The following PTPRD variants were observed in gnomAD, a reference collection of about 807,000 sequenced individuals.
PTPRD encodes the protein protein tyrosine phosphatase receptor type D.
In PTPRD, 34 loss-of-function variants were observed where a neutral mutation model predicts 214.5. That is an observed-to-expected ratio of 0.16 (90% confidence interval 0.12 to 0.21). The LOEUF is 0.21. Ranked by LOEUF, PTPRD falls within the 10% of genes least tolerant of loss-of-function variation. The pLI is 1.00. For missense variants in PTPRD, 2,545 were observed against 2,398.7 expected, an observed-to-expected ratio of 1.06 and a Z score of -1.27; for synonymous variants, 1,128 against 845.7, an observed-to-expected ratio of 1.33 and a Z score of -5.79.
chr9:8,404,074 A>G (rs571771446), intron 36 of PTPRD, among the ~76,000 whole-genome samples: 1 of 152,138 alleles, frequency 6.6e-6, no homozygotes, highest in African/African-American at 2.4e-5. Flanking sequence ...TGTATAATTT[A>G]TTTGTGTGAG....
At chr9:9,500,961 ATAT>A (rs1196911226) in intron 8 of PTPRD, among the ~76,000 whole-genome samples, 1 of 152,142 alleles carries the variant, frequency 6.6e-6, no homozygotes, top group East Asian at 1.9e-4. Context: ...TTAAGGATAA[ATAT>A]TATAATCCCT....
At chr9:9,847,883 G>A (rs2059834316) in intron 5 of PTPRD, among the ~76,000 whole-genome samples, 1 of 152,054 alleles carries the variant, frequency 6.6e-6, no homozygotes, top group African/African-American at 2.4e-5. Context: ...TGTAGGTGAT[G>A]TACATCACAC....
chr9:10,445,509 A>C (rs2098792521), intron 2 of PTPRD, among the ~76,000 whole-genome samples: 1 of 152,152 alleles, frequency 6.6e-6, no homozygotes, highest in East Asian at 1.9e-4. Flanking sequence ...AAAGAAAGGA[A>C]TACATTTGAG....
At chr9:8,484,500 T>C (rs2096955392) in intron 29 of PTPRD, 122 bp from the exon 30 acceptor site, 1 of 1,010,488 alleles carries the variant, frequency 9.9e-7, no homozygotes, top group African/African-American at 1.6e-5. Context: ...TTTAGGTGAT[T>C]TCTAAGTCCA....
At chr9:9,704,694 GAAAA>G (rs1417564735) in intron 7 of PTPRD, among the ~76,000 whole-genome samples, 1 of 152,060 alleles carries the variant, frequency 6.6e-6, no homozygotes, top group Non-Finnish European at 1.5e-5. Flanking sequence ...GATCCATCAG[GAAAA>G]AAATCTGACT....
intron 2 of PTPRD, among the ~76,000 whole-genome samples, chr9:10,461,771 A>T (rs993589964): frequency 6.6e-6 from 1 of 151,902 alleles, no homozygotes; most frequent in Non-Finnish European, 1.5e-5. Flanking sequence ...TACAGGCGTG[A>T]GCCTCCAGGC....
intron 3 of PTPRD, among the ~76,000 whole-genome samples, chr9:10,098,101 C>A (rs561941501): frequency 1.1e-3 from 171 of 151,768 alleles, no homozygotes; most frequent in South Asian, 2.5e-3. Flanking sequence ...TCCAAATGTC[C>A]AACAATGATA....
intron 3 of PTPRD, among the ~76,000 whole-genome samples, chr9:10,168,486 C>T (rs1358744453): frequency 4.6e-5 from 7 of 152,170 alleles, no homozygotes; most frequent in Admixed American, 2.6e-4. Context: ...GGCATGGGCT[C>T]TTATTCCTAA....
At chr9:10,238,878 G>A (rs771339998) in intron 3 of PTPRD, among the ~76,000 whole-genome samples, 3 of 151,832 alleles carry the variant, frequency 2.0e-5, no homozygotes, top group Non-Finnish European at 2.9e-5. Context: ...TACTTCCTAG[G>A]GGAGATTTTG....
chr9:8,950,859 A>C (rs1255301233), intron 11 of PTPRD, among the ~76,000 whole-genome samples: 1 of 151,942 alleles, frequency 6.6e-6, no homozygotes, highest in African/African-American at 2.4e-5. Flanking sequence ...GGGTCTACCT[A>C]CTCTACTTGT....
intron 14 of PTPRD, among the ~76,000 whole-genome samples, chr9:8,598,218 G>A (rs117595068): frequency 0.082 from 12,541 of 152,122 alleles, 687 homozygotes; most frequent in Non-Finnish European, 0.11. Context: ...CTGGGAGGCC[G>A]AGGAGGGCAG....
At chr9:9,842,844 TG>T (rs1200522772) in intron 5 of PTPRD, among the ~76,000 whole-genome samples, 1 of 152,074 alleles carries the variant, frequency 6.6e-6, no homozygotes, top group Admixed American at 6.6e-5. Context: ...GATTTTTTTT[TG>T]CATGTTTCAT....
chr9:8,406,069 A>G (rs1157736416), intron 35 of PTPRD, among the ~76,000 whole-genome samples: 9 of 152,180 alleles, frequency 5.9e-5, no homozygotes, highest in Admixed American at 2.6e-4. Flanking sequence ...GTGTTAATCT[A>G]TATACAAAAT....
chr9:10,469,725 A>T (rs1303458022), intron 2 of PTPRD, among the ~76,000 whole-genome samples: 2 of 152,172 alleles, frequency 1.3e-5, no homozygotes, highest in African/African-American at 4.8e-5. Context: ...TTATCACAGC[A>T]CTATTCACAG....
intron 11 of PTPRD, among the ~76,000 whole-genome samples, chr9:8,795,665 G>A (rs879393237): frequency 1.1e-4 from 17 of 152,170 alleles, no homozygotes; most frequent in Middle Eastern, 3.4e-3. Flanking sequence ...CATAGCCCAC[G>A]TAAGAATAGA....
chr9:8,525,967 G>A (rs1001845424), intron 17 of PTPRD, among the ~76,000 whole-genome samples: 4 of 152,098 alleles, frequency 2.6e-5, no homozygotes, highest in Admixed American at 6.5e-5. Context: ...ATCCGGAGAC[G>A]AGTAATCCAA....
At chr9:9,263,790 A>G (rs2099981191) in intron 9 of PTPRD, among the ~76,000 whole-genome samples, 1 of 151,676 alleles carries the variant, frequency 6.6e-6, no homozygotes, top group South Asian at 2.1e-4. Context: ...AATACACACC[A>G]CAGACACTTG....
intron 8 of PTPRD, among the ~76,000 whole-genome samples, chr9:9,568,984 G>C (rs1015347279): frequency 7.2e-5 from 11 of 151,866 alleles, no homozygotes; most frequent in African/African-American, 2.4e-4. Context: ...AAGGAGTTGT[G>C]AATAAAAGAG....
At position 8,487,671 on chromosome 9, in the gene PTPRD, G is replaced by A. The variant is rs549809837; in HGVS notation, c.2468-1322C>T. ...ACAAAAAACACAAAAATAGCCAGGT[G>A]TGGTGGTGCATGCCTGTAATCCCAG... On this transcript the variant is annotated intron_variant, in intron 27 of 45. Coordinates refer to ENST00000381196, the MANE Select transcript of PTPRD (RefSeq NM_002839.4). Among the ~76,000 whole-genome samples the A allele has an allele frequency of 7.0e-4, 106 of 152,276 alleles. 1 individual carries two copies. The highest frequency in any genetic ancestry group is 4.3e-3 in the South Asian group (21 of 4,828).
Sources: gnomAD v4.1 joint callset for allele counts (sites outside exome capture counted in the v4.1 genomes callset) on GRCh38, gnomAD v4.1.1 for gene constraint, MANE v1.5 for transcripts, NCBI Gene and HGNC (gene_info 2026-07-23, HGNC 2026-07-21) for gene names.